CNTNAP5: variants seen among roughly 807,000 people sequenced by gnomAD.
The protein encoded by CNTNAP5 is contactin associated protein family member 5, also known as contactin-associated protein-like 5.
In CNTNAP5, 72 loss-of-function variants were observed where a neutral mutation model predicts 150.2. The ratio of observed to expected loss-of-function variants is 0.48; its 90% CI spans 0.40 to 0.58. The LOEUF (loss-of-function observed/expected upper bound fraction) is 0.58. CNTNAP5 is among the 20% of genes least tolerant of loss of function. The pLI, the probability that CNTNAP5 is intolerant of heterozygous loss-of-function variation, is 0.00. For missense variants in CNTNAP5, 1,636 were observed against 1,626.2 expected (o/e 1.01, Z -0.10); for synonymous variants, 672 against 619.8 (o/e 1.08, Z -1.25).
intron 21 of CNTNAP5, among the ~76,000 whole-genome samples, chr2:124,881,701 C>T (rs1162426689): frequency 6.6e-6 from 1 of 152,032 alleles, no homozygotes; most frequent in Non-Finnish European, 1.5e-5. Flanking sequence ...ACAGATCTCT[C>T]CCAGCCTTGA....
rs116600146 is a variant in CNTNAP5 at position 124,238,628 on chromosome 2, T to C, written c.188-3572T>C. 7.8e-3 allele frequency among the ~76,000 whole-genome samples: 1,182 copies of C among 152,280 alleles called. 15 individuals are homozygous for C. Among genetic ancestry groups the C allele is most frequent in the African/African-American group, 0.026 (1,095 of 41,568 alleles). Reference sequence around the variant, plus strand: ...CTTTAAATTTAAACTGCAGAGTTTATAGGAATTTTTGTAGTTAATAGCCAT... The same window carrying C: ...CTTTAAATTTAAACTGCAGAGTTTACAGGAATTTTTGTAGTTAATAGCCAT... On this transcript the variant is annotated intron_variant, in intron 2 of 23. Transcript: ENST00000682447.
intron 6 of CNTNAP5, among the ~76,000 whole-genome samples, chr2:124,471,579 G>A (rs1038432594): frequency 1.1e-4 from 17 of 152,052 alleles, no homozygotes; most frequent in African/African-American, 3.6e-4. Context: ...CTAATTGCCT[G>A]GCCAGAACTT....
chr2:124,567,826 G>C (rs1478129244), intron 11 of CNTNAP5, among the ~76,000 whole-genome samples: 1 of 144,778 alleles, frequency 6.9e-6, no homozygotes, highest in Non-Finnish European at 1.5e-5. Flanking sequence ...TGGGATATTA[G>C]GGCATAGATG....
At chr2:124,875,577 TGTAA>T (rs1312137197) in intron 21 of CNTNAP5, among the ~76,000 whole-genome samples, 7 of 152,084 alleles carry the variant, frequency 4.6e-5, no homozygotes, top group African/African-American at 9.7e-5. Flanking sequence ...CACAGAGCTG[TGTAA>T]GTATTTCTTG....
At chr2:124,048,304 C>T (rs879681126) in intron 1 of CNTNAP5, among the ~76,000 whole-genome samples, 10 of 152,164 alleles carry the variant, frequency 6.6e-5, no homozygotes, top group Non-Finnish European at 1.0e-4. Context: ...CTTAACTATC[C>T]TATTTCCTGT....
At chr2:124,073,835 G>A (rs1682373299) in intron 1 of CNTNAP5, among the ~76,000 whole-genome samples, 2 of 152,012 alleles carry the variant, frequency 1.3e-5, no homozygotes, top group African/African-American at 2.4e-5. Context: ...TCCACTGCTG[G>A]GTATATACTC....
At chr2:124,461,566 T>C (rs909072017) in intron 6 of CNTNAP5, among the ~76,000 whole-genome samples, 2 of 149,228 alleles carry the variant, frequency 1.3e-5, no homozygotes, top group East Asian at 2.0e-4. Context: ...TTAGGAGATA[T>C]ACCTAATGCT....
At chr2:124,398,105 C>A (rs1287051278) in intron 3 of CNTNAP5, among the ~76,000 whole-genome samples, 1 of 152,186 alleles carries the variant, frequency 6.6e-6, no homozygotes, top group East Asian at 1.9e-4. Flanking sequence ...TGGGAACAAC[C>A]ATATATTCTC....
chr2:124,163,132 T>A (rs1405762545), intron 1 of CNTNAP5, among the ~76,000 whole-genome samples: 1 of 152,132 alleles, frequency 6.6e-6, no homozygotes, highest in Non-Finnish European at 1.5e-5. Context: ...GCATATTTAA[T>A]CTCATCCATC....
chr2:124,157,478 T>G (rs1232862617), intron 1 of CNTNAP5, among the ~76,000 whole-genome samples: 1 of 152,196 alleles, frequency 6.6e-6, no homozygotes, highest in African/African-American at 2.4e-5. Context: ...CACCTTATGT[T>G]TCTTTTTCAG....
At chr2:124,275,062 G>A (rs1328589693) in intron 3 of CNTNAP5, among the ~76,000 whole-genome samples, 1 of 152,094 alleles carries the variant, frequency 6.6e-6, no homozygotes, top group Non-Finnish European at 1.5e-5. Flanking sequence ...CAAAGAGAGA[G>A]AACTTGTGCA....
chr2:124,799,295 C>T (rs1369599114), intron 19 of CNTNAP5, among the ~76,000 whole-genome samples: 1 of 152,158 alleles, frequency 6.6e-6, no homozygotes, highest in East Asian at 1.9e-4. Context: ...TGAACGACAC[C>T]ACTTAGGATG....
intron 19 of CNTNAP5, among the ~76,000 whole-genome samples, chr2:124,809,088 A>G (rs1166038090): frequency 6.6e-6 from 1 of 152,132 alleles, no homozygotes; most frequent in African/African-American, 2.4e-5. Context: ...CCCCTCATTG[A>G]AAAAAATACT....
intron 11 of CNTNAP5, among the ~76,000 whole-genome samples, chr2:124,567,665 A>G (rs1266250066): frequency 6.6e-6 from 1 of 152,214 alleles, no homozygotes; most frequent in East Asian, 1.9e-4. Flanking sequence ...GACAGATACC[A>G]TGGTTATTAG....
rs565058745 is a variant in CNTNAP5, at chr2:124,514,263, T to G, written c.1327+9707T>G. The stretch of plus-strand genomic sequence containing the variant: ...CAAAGGTTGGAAATGTTTACCAAAG[T>G]AGTGATTTCTTGGGCGTCTTCAGCT... On this transcript the variant is annotated intron_variant, in intron 8 of 23. Transcript: ENST00000682447. Among the ~76,000 whole-genome samples, 21 of 152,358 alleles carry G rather than the reference T, an allele frequency of 1.4e-4. No homozygotes were observed. In the South Asian group the frequency reaches 4.3e-3, roughly 32 times the overall value.
intron 1 of CNTNAP5, among the ~76,000 whole-genome samples, chr2:124,089,310 C>T (rs904622382): frequency 1.3e-5 from 2 of 151,424 alleles, no homozygotes; most frequent in Non-Finnish European, 2.9e-5. Flanking sequence ...AAAAATATTT[C>T]GTTGGACTAC....
chr2:124,496,691 T>A (rs72968709), intron 7 of CNTNAP5, among the ~76,000 whole-genome samples: 19,480 of 152,178 alleles, frequency 0.13, 2,053 homozygotes, highest in African/African-American at 0.27. Context: ...TAAAAATTAG[T>A]TTCCTGGAGT....
intron 1 of CNTNAP5, among the ~76,000 whole-genome samples, chr2:124,145,836 A>AAAAAAAAAAAAAAAAAAAAAAAAAAAG (rs1684235848): frequency 1.3e-5 from 1 of 75,804 alleles, no homozygotes; most frequent in Non-Finnish European, 2.5e-5. Context: ...AAAGAAGAAA[A>AAAAAAAAAAAAAAAAAAAAAAAAAAAG]AAAAAAAAAA....
intron 2 of CNTNAP5, among the ~76,000 whole-genome samples, chr2:124,234,975 T>C (rs1245775316): frequency 6.6e-6 from 1 of 152,170 alleles, no homozygotes; most frequent in Admixed American, 6.6e-5. Flanking sequence ...TCTTGGAAGC[T>C]GAGCAGAGAC....
Sources: gnomAD v4.1 joint callset for allele counts (sites outside exome capture counted in the v4.1 genomes callset) on GRCh38, gnomAD v4.1.1 for gene constraint, MANE v1.5 for transcripts, NCBI Gene and HGNC (gene_info 2026-07-23, HGNC 2026-07-21) for gene names.